FERMT2: variants seen among roughly 807,000 people sequenced by gnomAD.
The protein encoded by FERMT2 is fermitin family homolog 2.
FERMT2 carries 15 observed loss-of-function variants against 82.7 expected under a neutral mutation model. The ratio of observed to expected loss-of-function variants is 0.18; its 90% CI spans 0.12 to 0.28. The LOEUF is 0.28. Among genes scored for constraint, FERMT2 ranks in the 10% least tolerant of loss-of-function variants. The pLI is 1.00. For synonymous variants in FERMT2, 274 were observed against 271.5 expected, an observed-to-expected ratio of 1.01 and a Z score of -0.09; for missense variants, 645 against 809.4, an observed-to-expected ratio of 0.80 and a Z score of 2.46.
rs774487752 is a variant in FERMT2 at position 52,864,368 on chromosome 14, A to AG, written c.1602+32dup. ...ATGTACAAAATTATAAAAACAAACC[A>AG]GCACAGTAGATGAAGTAAAATGAAG... On this transcript the variant is annotated intron_variant, in intron 12 of 14. Transcript: ENST00000341590. 2.7e-6 allele frequency: 4 copies of AG among 1,505,424 alleles called. No homozygotes were observed. In the East Asian group the frequency reaches 9.1e-5, roughly 34 times the overall value. 93.3% of individuals were successfully genotyped at this position (1,505,424 alleles called of 1,614,324 possible).
At chr14:52,949,633 C>G (rs1244991942) in intron 2 of FERMT2, among the ~76,000 whole-genome samples, 1 of 152,150 alleles carries the variant, frequency 6.6e-6, no homozygotes, top group African/African-American at 2.4e-5. Context: ...AAAATGTGTA[C>G]TGCACACTCT....
intron 3 of FERMT2, among the ~76,000 whole-genome samples, chr14:52,909,967 C>T (rs1004704793): frequency 2.0e-5 from 3 of 152,030 alleles, no homozygotes; most frequent in Non-Finnish European, 4.4e-5. Context: ...GCAGGAGAAT[C>T]GCTTGAAGCC....
intron 2 of FERMT2, 142 bp downstream of exon 2, chr14:52,950,270 T>C: frequency 1.3e-6 from 1 of 789,286 alleles, no homozygotes; most frequent in South Asian, 1.7e-5. Context: ...TCTGCTTAAA[T>C]ACTGAAAGAT....
At chr14:52,878,376 C>G (rs936093686) in intron 7 of FERMT2, among the ~76,000 whole-genome samples, 3 of 152,054 alleles carry the variant, frequency 2.0e-5, no homozygotes, top group Non-Finnish European at 4.4e-5. Flanking sequence ...GAGAAAAGTA[C>G]TTAAGTATAC....
At chr14:52,866,062 C>A (rs551002967) in intron 10 of FERMT2, among the ~76,000 whole-genome samples, 2 of 152,144 alleles carry the variant, frequency 1.3e-5, no homozygotes, top group Admixed American at 6.5e-5. Flanking sequence ...ATCTTTTGCA[C>A]AAATATCATT....
At chr14:52,877,574 C>CTTGTTTT (rs1886040294) in intron 7 of FERMT2, among the ~76,000 whole-genome samples, 1 of 67,062 alleles carries the variant, frequency 1.5e-5, no homozygotes, top group Non-Finnish European at 2.5e-5. Context: ...GCTGTTCTTG[C>CTTGTTTT]TTTTTTTTTT....
Position 52,859,574 on chromosome 14 carries a change from A to G in FERMT2, c.1868T>C (p.Met623Thr), listed in dbSNP as rs1884773911. The G allele has an allele frequency of 1.9e-6, 3 of 1,604,614 alleles. No homozygotes were observed. Among genetic ancestry groups the G allele is most frequent in the South Asian group, 2.2e-5 (2 of 89,150 alleles). Residue 623 changes from methionine (M) to threonine (T), a missense_variant and splice_region_variant, in exon 14 of 15, where the codon ATG becomes ACG. Coordinates refer to ENST00000341590, the MANE Select transcript of FERMT2 (RefSeq NM_006832.3). Reference protein sequence around the residue: ...KQWNVNWEIKMVTVEFADEVR... With the variant: ...KQWNVNWEIKTVTVEFADEVR... ...CAAGTAACATTGTTATGAGTTTACC[A>G]TTTTGATTTCCCAGTTGACATTCCA...
intron 2 of FERMT2, among the ~76,000 whole-genome samples, chr14:52,931,948 G>C (rs867226260): frequency 1.3e-5 from 2 of 152,194 alleles, no homozygotes; most frequent in African/African-American, 4.8e-5. Context: ...AGAATCACCT[G>C]AACCTGGGAG....
At chr14:52,879,170 T>G (rs1256797496) in intron 6 of FERMT2, among the ~76,000 whole-genome samples, 1 of 152,186 alleles carries the variant, frequency 6.6e-6, no homozygotes, top group Non-Finnish European at 1.5e-5. Flanking sequence ...AAGTGGCAAG[T>G]CCTTGGAAAC....
intron 4 of FERMT2, among the ~76,000 whole-genome samples, chr14:52,885,988 G>C (rs751509012): frequency 1.3e-5 from 2 of 150,062 alleles, no homozygotes; most frequent in Non-Finnish European, 3.0e-5. Flanking sequence ...CAAAATGCCA[G>C]TATATAAAGG....
chr14:52,865,531 G>A (rs868550776), intron 10 of FERMT2, among the ~76,000 whole-genome samples: 6 of 152,208 alleles, frequency 3.9e-5, no homozygotes, highest in Middle Eastern at 3.4e-3. Context: ...TCTGTAAGTC[G>A]ACATTTCCTG....
At chr14:52,885,482 T>A (rs951216270) in intron 4 of FERMT2, among the ~76,000 whole-genome samples, 2 of 152,144 alleles carry the variant, frequency 1.3e-5, no homozygotes, top group African/African-American at 4.8e-5. Flanking sequence ...CCCAACTAAG[T>A]TGTTTTCTTG....
At chr14:52,923,205 TG>T (rs397730117) in intron 2 of FERMT2, among the ~76,000 whole-genome samples, 16 of 150,652 alleles carry the variant, frequency 1.1e-4, no homozygotes, top group Admixed American at 2.0e-4. Context: ...TGGTGGGGGT[TG>T]GGGGGGGAAT....
chr14:52,912,733 C>T (rs544775632), intron 3 of FERMT2, among the ~76,000 whole-genome samples: 2 of 152,272 alleles, frequency 1.3e-5, no homozygotes, highest in East Asian at 3.9e-4. Context: ...TGGTCTTGAA[C>T]TCCTGGCCTC....
At chr14:52,899,516 T>C (rs1192543002) in intron 3 of FERMT2, among the ~76,000 whole-genome samples, 1 of 152,148 alleles carries the variant, frequency 6.6e-6, no homozygotes, top group African/African-American at 2.4e-5. Context: ...TCTCCTGACC[T>C]AGTGATCTGC....
chr14:52,913,311 T>C (rs1435004939), intron 3 of FERMT2, among the ~76,000 whole-genome samples: 1 of 152,184 alleles, frequency 6.6e-6, no homozygotes, highest in Non-Finnish European at 1.5e-5. Context: ...ATTCTAACAC[T>C]ATGAGATCCC....
intron 2 of FERMT2, among the ~76,000 whole-genome samples, chr14:52,930,323 G>C (rs530251086): frequency 6.6e-6 from 1 of 152,148 alleles, no homozygotes; most frequent in African/African-American, 2.4e-5. Context: ...GTAAGTCTGA[G>C]AATTCAGATT....
chr14:52,881,624 T>C (rs1362982794), intron 4 of FERMT2, among the ~76,000 whole-genome samples, 155 bp from the exon 5 acceptor site: 2 of 152,236 alleles, frequency 1.3e-5, no homozygotes, highest in African/African-American at 2.4e-5. Flanking sequence ...TGAAAACATG[T>C]GTAATTAATT....
chr14:52,885,312 C>CA (rs1181582996), intron 4 of FERMT2, among the ~76,000 whole-genome samples: 13,612 of 60,964 alleles, frequency 0.22, 3,823 homozygotes, highest in Middle Eastern at 0.35. Flanking sequence ...GACTTAGTCT[C>CA]AAAAAAAAAA....
Sources: gnomAD v4.1 joint callset for allele counts (sites outside exome capture counted in the v4.1 genomes callset) on GRCh38, gnomAD v4.1.1 for gene constraint, MANE v1.5 for transcripts, NCBI Gene and HGNC (gene_info 2026-07-23, HGNC 2026-07-21) for gene names.